Variants in CELSR3 observed in about 807,000 individuals in gnomAD.
CELSR3 encodes cadherin EGF LAG seven-pass G-type receptor 3.
Under a neutral mutation model 270.0 loss-of-function variants are expected in CELSR3, and 73 were observed. The observed-to-expected ratio is 0.27, with a 90% CI of 0.22 to 0.33. CELSR3 has a LOEUF of 0.33. Ranked by LOEUF, CELSR3 falls within the 10% of genes least tolerant of loss-of-function variation. CELSR3 has a pLI of 1.00. For synonymous variants in CELSR3, 1,780 were observed against 1,905.4 expected, an observed-to-expected ratio of 0.93 and a Z score of 1.71; for missense variants, 3,614 against 4,533.8, an observed-to-expected ratio of 0.80 and a Z score of 5.83.
At position 48,650,436 on chromosome 3, in the gene CELSR3, CCCACCCCCACCCTCA is replaced by C; in HGVS notation, c.6472+29_6472+43del. On this transcript the variant is annotated intron_variant, in intron 16 of 34. Transcript: ENST00000164024. The surrounding 1 kb of genome is among the most constrained non-coding windows in gnomAD (Gnocchi z 5.1). ...ATGGCTCTAGCAGTCAGAGTACAGG[CCCACCCCCACCCTCA>C]GTGATGTCCTTTCCCCCCACATACT... The C allele has an allele frequency of 1.8e-6, 1 of 568,232 alleles. No homozygotes were observed. The allele number at this position is 568,232 out of a possible 1,614,324, so 35.2% of individuals were successfully genotyped here. A position where few individuals can be genotyped will look rare whatever the true frequency, so the allele number is the denominator to read the frequency against.
chr3:48,643,125 A>G (rs1233633013), intron 28 of CELSR3, 42 bp from the exon 29 acceptor site: 7 of 1,319,040 alleles, frequency 5.3e-6, no homozygotes, highest in Middle Eastern at 1.8e-4. Context: ...GCAGGGATCA[A>G]TCAGGGACCA....
chr3:48,659,639 G>C lies in CELSR3; in HGVS notation c.2996C>G (p.Thr999Ser). 1 of 1,614,230 alleles carries C rather than the reference G, an allele frequency of 6.2e-7. No individual in the cohort carries two copies. The highest frequency in any genetic ancestry group is 8.5e-7 in the Non-Finnish European group (1 of 1,180,044). ...ATCCCCATCTTCACCATTCTGGAAA[G>C]TGTACTGGACCCGGCCATTGGCATG... Reference protein sequence around the residue: ...DAHANGRVQYTFQNGEDGDGD... With the variant: ...DAHANGRVQYSFQNGEDGDGD... Residue 999 changes from threonine to serine, a missense_variant, in exon 1 of 35, where the codon ACT (threonine) becomes AGT (serine). Physicochemically the swap from Thr to Ser is moderately conservative, Grantham distance 58. This residue lies in a region of CELSR3 where 1,331 missense variants were observed against 1,933.7 expected (regional missense o/e 0.69). Transcript: ENST00000164024. The surrounding 1 kb of genome is among the most constrained non-coding windows in gnomAD (Gnocchi z 8.1).
In CELSR3 at chr3:48,662,550, G is replaced by C; in HGVS notation, c.85C>G (p.Leu29Val). ...CCGCCCCCCAGCTCCTCCTGGCTGAGGGGGAACAAAGAGAGGAGAAGGAGC... is the reference window on the plus strand; with the variant it reads ...CCGCCCCCCAGCTCCTCCTGGCTGACGGGGAACAAAGAGAGGAGAAGGAGC... Reference protein sequence around the residue: ...LLLLLLSLFPLSQEELGGGGH... With the variant: ...LLLLLLSLFPVSQEELGGGGH... The change falls in exon 1 of 35, where the codon CTC becomes GTC. Residue 29 changes from leucine (L) to valine (V), a missense_variant. Around this residue, in one of 7 missense-constraint regions of CELSR3, gnomAD observed 470 missense variants for 469.7 expected, o/e 1.00. Transcript: ENST00000164024. The surrounding 1 kb of genome is among the most constrained non-coding windows in gnomAD (Gnocchi z 7.1). The C allele has an allele frequency of 6.3e-7, 1 of 1,590,544 alleles. No homozygotes were observed. The highest frequency in any genetic ancestry group is 1.1e-5 in the South Asian group (1 of 88,944).
Position 48,646,629 on chromosome 3 carries a change from G to C in CELSR3, c.7295+134C>G. ...AACTCCAGAGAATAAGATTCACACA[G>C]AACCCGGCAAGGATGGGGCTCCCTG... is the stretch of plus-strand genomic sequence containing the variant. On this transcript the variant is annotated intron_variant, in intron 21 of 34. Coordinates refer to ENST00000164024, the MANE Select transcript of CELSR3 (RefSeq NM_001407.3). This position sits in a 1 kb window ranked among gnomAD's most constrained non-coding sequence, Gnocchi z 4.8. The C allele has an allele frequency of 1.1e-6, 1 of 911,820 alleles. No individual in the cohort carries two copies. The allele number at this position is 911,820 out of a possible 1,614,324, so 56.5% of individuals were successfully genotyped here.
chr3:48,644,656 C>G lies in CELSR3; in HGVS notation c.8085+60G>C. ...TGACCGCCCTCAGCTGAGTCCACTG[C>G]ACCTCCTCCCCCAATGAGGGAGGGA... is the stretch of plus-strand genomic sequence containing the variant. On this transcript the variant is annotated intron_variant, in intron 26 of 34. Transcript: ENST00000164024. The surrounding 1 kb of genome is among the most constrained non-coding windows in gnomAD (Gnocchi z 4.8). 7.3e-7 allele frequency: 1 copy of G among 1,365,852 alleles called. No individual in the cohort carries two copies. The highest frequency in any genetic ancestry group is 1.2e-5 in the South Asian group (1 of 84,404). The allele number at this position is 1,365,852 out of a possible 1,614,324, so 84.6% of individuals were successfully genotyped here.
chr3:48,644,588 GA>G lies in CELSR3; in HGVS notation c.8085+127del. The G allele has an allele frequency of 2.6e-6, 2 of 764,280 alleles. No individual in the cohort carries two copies. The highest frequency in any genetic ancestry group is 4.3e-6 in the Non-Finnish European group (2 of 460,792). 47.3% of individuals were successfully genotyped at this position (764,280 alleles called of 1,614,324 possible). ...GGGGGTGGCTACTGACCAGAGGACA[GA>G]AAAAATGAAGGCCGAGCCCAGGAAG... On this transcript the variant is annotated intron_variant, in intron 26 of 34. Transcript: ENST00000164024. This position sits in a 1 kb window ranked among gnomAD's most constrained non-coding sequence, Gnocchi z 4.8.
chr3:48,649,048 G>C (rs1439143579), intron 17 of CELSR3, 73 bp downstream of exon 17: 7 of 1,542,214 alleles, frequency 4.5e-6, no homozygotes, highest in Non-Finnish European at 4.4e-6. Context: ...TCAAGGGCTA[G>C]GGTGTGGTAT....
Position 48,644,674 on chromosome 3 carries a change from G to T in CELSR3, c.8085+42C>A. On this transcript the variant is annotated intron_variant, in intron 26 of 34. Transcript: ENST00000164024. The surrounding 1 kb of genome is among the most constrained non-coding windows in gnomAD (Gnocchi z 4.8). ...TCCACTGCACCTCCTCCCCCAATGAGGGAGGGAAGTACAGAGGGGGCACCA... is the reference window on the plus strand; with the variant it reads ...TCCACTGCACCTCCTCCCCCAATGATGGAGGGAAGTACAGAGGGGGCACCA... 6.7e-7 allele frequency: 1 copy of T among 1,494,472 alleles called. No homozygotes were observed. Among genetic ancestry groups the T allele is most frequent in the East Asian group, 2.3e-5 (1 of 43,986 alleles). 92.6% of individuals were successfully genotyped at this position (1,494,472 alleles called of 1,614,324 possible).
chr3:48,657,370 G>C lies in CELSR3; in HGVS notation c.3749-22C>G, dbSNP rs1355765356. 2.6e-6 allele frequency: 4 copies of C among 1,555,814 alleles called. No homozygotes were observed. The highest frequency in any genetic ancestry group is 3.5e-6 in the Non-Finnish European group (4 of 1,151,762). ...CCATCTGCAGGCGGGGGCAGGGGCA[G>C]TGGTCATCCTGGGGACAGTGGCCAC... On this transcript the variant is annotated intron_variant, in intron 1 of 34. Transcript: ENST00000164024. This position sits in a 1 kb window ranked among gnomAD's most constrained non-coding sequence, Gnocchi z 5.4.
chr3:48,652,418 T>C lies in CELSR3; in HGVS notation c.5751+19A>G. 1 of 1,585,430 alleles carries C rather than the reference T, an allele frequency of 6.3e-7. No homozygotes were observed. The highest frequency in any genetic ancestry group is 8.7e-7 in the Non-Finnish European group (1 of 1,154,442). Reference sequence around the variant, plus strand: ...CCTGACCCTAATGCCCCATATCACATTCCCATGCTGACCCCCACCTGGATG... The same window carrying C: ...CCTGACCCTAATGCCCCATATCACACTCCCATGCTGACCCCCACCTGGATG... On this transcript the variant is annotated intron_variant, in intron 11 of 34. Transcript: ENST00000164024. This position sits in a 1 kb window ranked among gnomAD's most constrained non-coding sequence, Gnocchi z 4.3.
rs986302841 is a variant in CELSR3, at chr3:48,640,175, C to T, written c.9410G>A (p.Arg3137His). Reference sequence around the variant, plus strand: ...GTCGAGCGCATCCCGTGACCCGAAGCGGCCAGCCATGGCGCCAGGGTAGTC... The same window carrying T: ...GTCGAGCGCATCCCGTGACCCGAAGTGGCCAGCCATGGCGCCAGGGTAGTC... The part of the protein sequence containing the change: ...PRDYPGAMAG[R>H]FGSRDALDLG... Residue 3137 changes from arginine to histidine, a missense_variant, in exon 34 of 35, where the codon CGC (arginine) becomes CAC (histidine). Transcript: ENST00000164024. This position sits in a 1 kb window ranked among gnomAD's most constrained non-coding sequence, Gnocchi z 7.5. The T allele has an allele frequency of 1.2e-5, 20 of 1,612,560 alleles. No individual in the cohort carries two copies. Among genetic ancestry groups the T allele is most frequent in the South Asian group, 9.9e-5 (9 of 91,082 alleles).
At position 48,643,644 on chromosome 3, in the gene CELSR3, C is replaced by G. The variant is rs1441950160; in HGVS notation, c.8199G>C (p.Leu2733=). 1 of 1,551,718 alleles carries G rather than the reference C, an allele frequency of 6.4e-7. No homozygotes were observed. The highest frequency in any genetic ancestry group is 1.4e-5 in the African/African-American group (1 of 73,044). ...GCCCAAAGAGCCAGGAGGCACTGAC[C>G]AGCAGAAGCAGCAGGAAGGAGCTGC... ...TLRSSFLLLL[L]VSASWLFGLL... is the part of the protein sequence containing the mutation. Residue 2733 remains leucine, a synonymous_variant, in exon 28 of 35, where the codon CTG becomes CTC. Coordinates refer to ENST00000164024, the MANE Select transcript of CELSR3 (RefSeq NM_001407.3).
chr3:48,653,913 C>G lies in CELSR3; in HGVS notation c.5243G>C (p.Cys1748Ser). Residue 1748 changes from cysteine to serine, a missense_variant, in exon 8 of 35, where the codon TGC (cysteine) becomes TCC (serine). By Grantham distance (112) the Cys-to-Ser change is moderately radical. This residue lies in a region of CELSR3 where 1,331 missense variants were observed against 1,933.7 expected (regional missense o/e 0.69). Transcript: ENST00000164024. This position sits in a 1 kb window ranked among gnomAD's most constrained non-coding sequence, Gnocchi z 6.5. ...SERWGSFSCD[C>S]PVGFGGKDCQ... ...GTCTTTGCCGCCGAAGCCCACAGGGCAGTCGCAGCTGAAGCTGCCCCAGCG... is the reference window on the plus strand; with the variant it reads ...GTCTTTGCCGCCGAAGCCCACAGGGGAGTCGCAGCTGAAGCTGCCCCAGCG... 6.2e-7 allele frequency: 1 copy of G among 1,613,650 alleles called. No individual in the cohort carries two copies. The highest frequency in any genetic ancestry group is 8.5e-7 in the Non-Finnish European group (1 of 1,179,972).
chr3:48,648,976 C>G, intron 17 of CELSR3, 48 bp from the exon 18 acceptor site: 1 of 1,597,266 alleles, frequency 6.3e-7, no homozygotes, highest in Non-Finnish European at 8.6e-7. Context: ...AGGCCTTCCT[C>G]TAAAGCTTCA....
chr3:48,650,432 C>G lies in CELSR3; in HGVS notation c.6472+48G>C. ...AGACATGGCTCTAGCAGTCAGAGTA[C>G]AGGCCCACCCCCACCCTCAGTGATG... On this transcript the variant is annotated intron_variant, in intron 16 of 34. Transcript: ENST00000164024. This position sits in a 1 kb window ranked among gnomAD's most constrained non-coding sequence, Gnocchi z 5.1. 1 of 1,208,944 alleles carries G rather than the reference C, an allele frequency of 8.3e-7. No individual in the cohort carries two copies. Among genetic ancestry groups the G allele is most frequent in the Non-Finnish European group, 1.2e-6 (1 of 844,584 alleles). The allele number at this position is 1,208,944 out of a possible 1,614,324, so 74.9% of individuals were successfully genotyped here.
At position 48,661,553 on chromosome 3, in the gene CELSR3, A is replaced by T; in HGVS notation, c.1082T>A (p.Val361Asp). ...GTTCATGAGTGCCGCCAGCGAGTAG[A>T]CTAGGCGCCCGGCCTCGCCGGCGTC... ...DPDAGEAGRL[V>D]YSLAALMNSR... Residue 361 changes from valine (V) to aspartate (D), a missense_variant, in exon 1 of 35, where the codon GTC becomes GAC. This residue lies in a region of CELSR3 where 354 missense variants were observed against 500.9 expected (regional missense o/e 0.71). Coordinates refer to ENST00000164024, the MANE Select transcript of CELSR3 (RefSeq NM_001407.3). 6.2e-7 allele frequency: 1 copy of T among 1,608,440 alleles called. No homozygotes were observed. The highest frequency in any genetic ancestry group is 8.5e-7 in the Non-Finnish European group (1 of 1,178,680).
chr3:48,646,171 G>C lies in CELSR3; in HGVS notation c.7382C>G (p.Ser2461Cys), dbSNP rs200524008. The C allele has an allele frequency of 2.5e-6, 4 of 1,612,860 alleles. No individual in the cohort carries two copies. The highest frequency in any genetic ancestry group is 2.2e-5 in the South Asian group (2 of 91,084). ...CAGGCGAAACTCTAGGCTGATGGGG[G>C]ACTCCAGGATTCCCCTTAGGAAGTT... is the stretch of plus-strand genomic sequence containing the variant. ...GRNFLRGILESPISLEFRLLQ... is the reference protein window; with the variant it reads ...GRNFLRGILECPISLEFRLLQ... The change falls in exon 22 of 35, where the codon TCC (serine) becomes TGC (cysteine). Residue 2461 changes from serine to cysteine, a missense_variant. Physicochemically the swap from Ser to Cys is moderately radical, Grantham distance 112. Transcript: ENST00000164024. The surrounding 1 kb of genome is among the most constrained non-coding windows in gnomAD (Gnocchi z 4.8).
In CELSR3 at chr3:48,647,980, G is replaced by A. The variant is rs2047102348; in HGVS notation, c.6990C>T (p.Arg2330=). The A allele has an allele frequency of 1.9e-6, 3 of 1,611,934 alleles. No homozygotes were observed. The South Asian group carries it at 3.3e-5, about 18-fold the overall frequency. ...CCCGGGGAGAACTGGGGTGCTCCAT[G>A]CGGTCAATGCTGAGCACTACCCAGG... ...VTPNIMLSID[R]MEHPSSPRGA... is the part of the protein sequence containing the mutation. Residue 2330 remains arginine (R), a synonymous_variant, in exon 20 of 35, where the codon CGC becomes CGT. Coordinates refer to ENST00000164024, the MANE Select transcript of CELSR3 (RefSeq NM_001407.3).
In CELSR3 at chr3:48,642,256, G is replaced by A. The variant is rs2047034202; in HGVS notation, c.8665+102C>T. 8.6e-6 allele frequency: 11 copies of A among 1,281,428 alleles called. No homozygotes were observed. The highest frequency in any genetic ancestry group is 2.7e-4 in the Middle Eastern group (1 of 3,732). The allele number at this position is 1,281,428 out of a possible 1,614,324, so 79.4% of individuals were successfully genotyped here. On this transcript the variant is annotated intron_variant, in intron 31 of 34. Transcript: ENST00000164024. This position sits in a 1 kb window ranked among gnomAD's most constrained non-coding sequence, Gnocchi z 6.1. ...TGAGGCAGGGACCCTGGGGGAGATC[G>A]TCCCACCCCAGTCAGCCACTGCTCC...
Sources: allele counts gnomAD v4.1 joint callset, GRCh38; gene constraint gnomAD v4.1.1; regional missense constraint gnomAD v4.1.1; non-coding constraint Gnocchi (gnomAD v3.1); transcripts MANE v1.5; gene names NCBI Gene and HGNC (gene_info 2026-07-23, HGNC 2026-07-21).